The following ICE2 variants were observed in gnomAD, a reference collection of about 807,000 sequenced individuals.
ICE2 encodes little elongation complex subunit 2.
Under a neutral mutation model 105.4 loss-of-function variants are expected in ICE2, and 87 were observed. The ratio of observed to expected loss-of-function variants is 0.83; its 90% CI spans 0.69 to 0.99. ICE2 has a LOEUF of 0.99. ICE2 is among the 50% of genes least tolerant of loss of function. ICE2 has a pLI of 0.00. For synonymous variants in ICE2, 399 were observed against 392.0 expected (o/e 1.02, Z -0.21); for missense variants, 1,323 against 1,146.7 (o/e 1.15, Z -2.22).
In ICE2 at chr15:60,460,924, G is replaced by A. The variant is rs76843032; in HGVS notation, c.529-4130C>T. Among the ~76,000 whole-genome samples the A allele has an allele frequency of 2.7e-4, 41 of 152,210 alleles. No homozygotes were observed. The East Asian group carries it at 6.2e-3, about 23-fold the overall frequency. ...AAAACTGTAAGCCCTTTAGATTAGG[G>A]TTTCTCAATGCAAGCACCCCTGACA... On this transcript the variant is annotated intron_variant, in intron 5 of 15. Coordinates refer to ENST00000261520, the MANE Select transcript of ICE2 (RefSeq NM_024611.6).
intron 11 of ICE2, among the ~76,000 whole-genome samples, chr15:60,444,449 A>C (rs922696628): frequency 5.9e-5 from 9 of 152,156 alleles, no homozygotes; most frequent in African/African-American, 2.2e-4. Context: ...AGGATAATCA[A>C]AATTTTCATA....
At chr15:60,477,824 C>T in intron 2 of ICE2, 113 bp downstream of exon 2, 1 of 954,704 alleles carries the variant, frequency 1.0e-6, no homozygotes, top group Non-Finnish European at 1.7e-6. Context: ...AGACCCTAAA[C>T]TTGTATTTTC....
chr15:60,462,668 T>C (rs1287256533), intron 5 of ICE2, among the ~76,000 whole-genome samples: 1 of 152,162 alleles, frequency 6.6e-6, no homozygotes, highest in Non-Finnish European at 1.5e-5. Flanking sequence ...TGAACAGTCA[T>C]TCTGCAAGAA....
intron 9 of ICE2, chr15:60,450,946 AAAAAC>A (rs2063950761): frequency 6.2e-6 from 1 of 160,906 alleles, no homozygotes; most frequent in African/African-American, 2.4e-5. Context: ...CAAAAAGGTT[AAAAAC>A]AAAACAACTA....
rs189662017 is a variant in ICE2 at position 60,449,058 on chromosome 15, G to A, written c.1909C>T (p.Arg637Ter). Residue 637 changes from arginine to a stop codon, truncating the protein, a stop_gained, in exon 10 of 16, where the codon CGA (arginine) becomes TGA (stop). Coordinates refer to ENST00000261520, the MANE Select transcript of ICE2 (RefSeq NM_024611.6). LOFTEE classifies it high-confidence loss of function. ...ESCVLKKPIK[R>*]VYKKFDPVGE... is the part of the protein sequence containing the mutation. ...ACTGGATCAAATTTTTTATATACTCGTTTGATAGGTTTTTTTAAAACACAT... is the reference window on the plus strand; with the variant it reads ...ACTGGATCAAATTTTTTATATACTCATTTGATAGGTTTTTTTAAAACACAT... 9.9e-6 allele frequency: 16 copies of A among 1,612,918 alleles called. No individual in the cohort carries two copies. The highest frequency in any genetic ancestry group is 2.7e-5 in the African/African-American group (2 of 74,924).
chr15:60,454,844 C>T, intron 8 of ICE2, 159 bp downstream of exon 8: 1 of 561,726 alleles, frequency 1.8e-6, no homozygotes, highest in African/African-American at 2.0e-5. Context: ...TCCTAATGCT[C>T]TCTCTCACCT....
chr15:60,448,164 T>C lies in ICE2; in HGVS notation c.2120-19A>G. The C allele has an allele frequency of 6.5e-7, 1 of 1,539,702 alleles. No homozygotes were observed. Among genetic ancestry groups the C allele is most frequent in the Non-Finnish European group, 8.9e-7 (1 of 1,121,926 alleles). The stretch of plus-strand genomic sequence containing the variant: ...GGCAATCCTTTAAAAATAGTATTTC[T>C]CATTTTTAAAATACATTAGCTCTTA... On this transcript the variant is annotated intron_variant, in intron 10 of 15. Coordinates refer to ENST00000261520, the MANE Select transcript of ICE2 (RefSeq NM_024611.6).
chr15:60,423,767 G>A lies in ICE2; in HGVS notation c.2821-5C>T. ...AGGCATTCTCGTTCCACCAATCTAAGAGATGAAGCAGAGAACAGAATAGCT... is the reference window on the plus strand; with the variant it reads ...AGGCATTCTCGTTCCACCAATCTAAAAGATGAAGCAGAGAACAGAATAGCT... On this transcript the variant is annotated splice_polypyrimidine_tract_variant and splice_region_variant and intron_variant, in intron 15 of 15. Transcript: ENST00000261520. 1 of 1,580,012 alleles carries A rather than the reference G, an allele frequency of 6.3e-7. No individual in the cohort carries two copies. The highest frequency in any genetic ancestry group is 1.2e-5 in the South Asian group (1 of 84,600).
intron 9 of ICE2, chr15:60,451,549 T>G (rs557344605): frequency 4.1e-6 from 4 of 981,816 alleles, no homozygotes; most frequent in Non-Finnish European, 4.8e-6. Flanking sequence ...ATTAGACTAA[T>G]AGACATTAAG....
intron 8 of ICE2, chr15:60,454,738 G>A: frequency 3.2e-6 from 1 of 315,954 alleles, no homozygotes; most frequent in Non-Finnish European, 5.7e-6. Context: ...TGGAGAATGG[G>A]CAGGTTTGTT....
chr15:60,420,175 A>G lies in ICE2; in HGVS notation c.*3459T>C, dbSNP rs2063228816. 6.6e-6 allele frequency: 1 copy of G among 152,252 alleles called. No homozygotes were observed. The highest frequency in any genetic ancestry group is 2.4e-5 in the African/African-American group (1 of 41,472). 9.4% of individuals were successfully genotyped at this position (152,252 alleles called of 1,614,324 possible). A position where few individuals can be genotyped will look rare whatever the true frequency, so the allele number is the denominator to read the frequency against. ...CTAAAAAAAAAAATGAACATTTTAAATTAACTTTCTTCCCACTCTAACCAC... is the reference window on the plus strand; with the variant it reads ...CTAAAAAAAAAAATGAACATTTTAAGTTAACTTTCTTCCCACTCTAACCAC... On this transcript the variant is annotated 3_prime_UTR_variant, in exon 16 of 16. Coordinates refer to ENST00000261520, the MANE Select transcript of ICE2 (RefSeq NM_024611.6).
chr15:60,470,435 G>A (rs1299448011), intron 3 of ICE2, among the ~76,000 whole-genome samples: 3 of 152,116 alleles, frequency 2.0e-5, no homozygotes, highest in Non-Finnish European at 2.9e-5. Context: ...GCCTGTAGGT[G>A]TATTTGGATT....
chr15:60,472,345 T>C (rs925028085), intron 3 of ICE2, among the ~76,000 whole-genome samples: 2 of 152,090 alleles, frequency 1.3e-5, no homozygotes, highest in African/African-American at 2.4e-5. Flanking sequence ...AAGAAAACAG[T>C]TGTAAACAAT....
At position 60,449,690 on chromosome 15, in the gene ICE2, G is replaced by C. The variant is rs1404916491; in HGVS notation, c.1277C>G (p.Pro426Arg). The change falls in exon 10 of 16, where the codon CCT (proline) becomes CGT (arginine). Residue 426 changes from proline (P) to arginine (R), a missense_variant. Transcript: ENST00000261520. ...GGCTGTAGGAGCATCTGTCATGTTA[G>C]GTACTGTGGAAGTACTTGCTGGACT... ...SPSPASTSTV[P>R]NMTDAPTAPK... 1.2e-6 allele frequency: 2 copies of C among 1,614,072 alleles called. No homozygotes were observed. The highest frequency in any genetic ancestry group is 1.7e-6 in the Non-Finnish European group (2 of 1,180,014).
chr15:60,456,974 C>T (rs570012855), intron 5 of ICE2, among the ~76,000 whole-genome samples, 180 bp from the exon 6 acceptor site: 18 of 152,018 alleles, frequency 1.2e-4, no homozygotes, highest in Non-Finnish European at 1.9e-4. Context: ...CAGTTACTTA[C>T]AATATTGATG....
At position 60,468,325 on chromosome 15, in the gene ICE2, G is replaced by C. The variant is rs761633920; in HGVS notation, c.147-3C>G. On this transcript the variant is annotated splice_polypyrimidine_tract_variant and splice_region_variant and intron_variant, in intron 3 of 15. Coordinates refer to ENST00000261520, the MANE Select transcript of ICE2 (RefSeq NM_024611.6). ...CATTCAAATTTTCTCCTATACGTCT[G>C]GAAAACAAAATATAATTTACAAATA... The C allele has an allele frequency of 1.9e-6, 3 of 1,588,472 alleles. No homozygotes were observed. The South Asian group carries it at 3.4e-5, about 18-fold the overall frequency.
intron 6 of ICE2, among the ~76,000 whole-genome samples, chr15:60,455,731 C>T (rs929022193): frequency 6.6e-6 from 1 of 151,972 alleles, no homozygotes; most frequent in African/African-American, 2.4e-5. Flanking sequence ...AATTCTCTCA[C>T]TTCAGCCTCA....
intron 15 of ICE2, among the ~76,000 whole-genome samples, chr15:60,424,364 G>C (rs959423395): frequency 1.3e-5 from 2 of 150,164 alleles, no homozygotes; most frequent in African/African-American, 2.4e-5. Flanking sequence ...TGAAAGAGGA[G>C]AGCAAGAAAG....
intron 15 of ICE2, among the ~76,000 whole-genome samples, chr15:60,427,507 G>A (rs980429142): frequency 8.5e-5 from 13 of 152,092 alleles, no homozygotes; most frequent in African/African-American, 2.9e-4. Flanking sequence ...TGCAACCTCT[G>A]CCTCCCAAGT....
Sources: gnomAD v4.1 joint callset for allele counts (sites outside exome capture counted in the v4.1 genomes callset) on GRCh38, gnomAD v4.1.1 for gene constraint, MANE v1.5 for transcripts, NCBI Gene and HGNC (gene_info 2026-07-23, HGNC 2026-07-21) for gene names.